Variants in BCAS3 observed in about 807,000 individuals in gnomAD.
BCAS3 encodes the protein BCAS4/BCAS3 fusion.
A neutral mutation model predicts 116.1 loss-of-function variants in BCAS3; 53 were observed. That is an observed-to-expected ratio of 0.46 (90% confidence interval 0.37 to 0.57). The LOEUF is 0.57. BCAS3 is among the 20% of genes least tolerant of loss of function. The pLI is 0.00. For missense variants in BCAS3, 917 were observed against 1,165.4 expected (o/e 0.79, Z 3.10); for synonymous variants, 391 against 408.2 (o/e 0.96, Z 0.51).
chr17:60,886,491 A>G (rs959904756), intron 9 of BCAS3: 4 of 152,280 alleles, frequency 2.6e-5, no homozygotes, highest in Non-Finnish European at 4.4e-5. Context: ...CTGGTGAGGA[A>G]CTGCGTTCCT....
At chr17:60,918,971 G>T (rs962267980) in intron 12 of BCAS3, among the ~76,000 whole-genome samples, 4 of 152,126 alleles carry the variant, frequency 2.6e-5, no homozygotes, top group Admixed American at 2.6e-4. Context: ...GGGATTACAG[G>T]CGTGAGCCAC....
rs771618076 is a variant in BCAS3, at chr17:61,326,607, C to T, written c.2426-41720C>T. 1.6e-4 allele frequency among the ~76,000 whole-genome samples: 24 copies of T among 152,152 alleles called. No individual in the cohort carries two copies. The Middle Eastern group carries it at 0.01, about 65-fold the overall frequency. ...AGGTAGATTCCACAGGGCTTTGTTA[C>T]GGAGTGGACATGGGTGGGTGGAGAG... On this transcript the variant is annotated intron_variant, in intron 22 of 23. Transcript: ENST00000407086. The surrounding 1 kb of genome is among the most constrained non-coding windows in gnomAD (Gnocchi z 5.3).
rs576760115 is a variant in BCAS3 at position 60,992,189 on chromosome 17, T to TACACACACACAC, written c.1486+1985_1486+1996dup. On this transcript the variant is annotated intron_variant, in intron 15 of 23. Transcript: ENST00000407086. ...CATTCTTTCGTAGTATCCGATGACTTACACACACACACACACACACACACA... is the reference window on the plus strand; with the variant it reads ...CATTCTTTCGTAGTATCCGATGACTTACACACACACACACACACACACACACACACACACACA... 4.6e-3 allele frequency among the ~76,000 whole-genome samples: 603 copies of TACACACACACAC among 130,708 alleles called. 3 individuals carry two copies. Among genetic ancestry groups the TACACACACACAC allele is most frequent in the Non-Finnish European group, 5.5e-3 (336 of 60,990 alleles). 85.7% of individuals were successfully genotyped at this position (130,708 alleles called of 152,430 possible).
At position 60,962,406 on chromosome 17, in the gene BCAS3, T is replaced by G. The variant is rs189228634; in HGVS notation, c.1221+15054T>G. Among the ~76,000 whole-genome samples, 244 of 152,294 alleles carry G rather than the reference T, an allele frequency of 1.6e-3. 1 individual carries two copies. The highest frequency in any genetic ancestry group is 5.6e-3 in the African/African-American group (231 of 41,562). On this transcript the variant is annotated intron_variant, in intron 14 of 23. Coordinates refer to ENST00000407086, the MANE Select transcript of BCAS3 (RefSeq NM_017679.5). The surrounding 1 kb of genome is among the most constrained non-coding windows in gnomAD (Gnocchi z 4.4). The stretch of plus-strand genomic sequence containing the variant: ...AGGGTGAGATGATATCTTGTTGTGG[T>G]TTTGATTTGTGTTTCTCTGATGACT...
chr17:60,862,510 G>C (rs1023337335), intron 7 of BCAS3, among the ~76,000 whole-genome samples: 1 of 151,988 alleles, frequency 6.6e-6, no homozygotes, highest in Non-Finnish European at 1.5e-5. Context: ...TTCTGTTCAG[G>C]GTTTTAATTT....
At chr17:61,340,834 G>A (rs113347646) in intron 22 of BCAS3, among the ~76,000 whole-genome samples, 2,414 of 152,288 alleles carry the variant, frequency 0.016, 30 homozygotes, top group Non-Finnish European at 0.023. Flanking sequence ...TGAGGCTGAA[G>A]GCTGCTTGGA....
At chr17:60,872,834 T>TAC (rs748891058) in intron 8 of BCAS3, among the ~76,000 whole-genome samples, 47 of 150,436 alleles carry the variant, frequency 3.1e-4, no homozygotes, top group Non-Finnish European at 5.6e-4. Context: ...TATACACACA[T>TAC]ACACACACAC....
intron 22 of BCAS3, among the ~76,000 whole-genome samples, chr17:61,138,397 C>T (rs1274771774): frequency 1.3e-5 from 2 of 152,168 alleles, no homozygotes; most frequent in Non-Finnish European, 2.9e-5. Flanking sequence ...TGAGTATCTA[C>T]GTGGGAACTC....
chr17:60,872,435 G>C (rs1028345919), intron 8 of BCAS3, among the ~76,000 whole-genome samples: 5 of 146,150 alleles, frequency 3.4e-5, no homozygotes, highest in African/African-American at 1.3e-4. Flanking sequence ...GTATATATCT[G>C]TATGTATATA....
intron 22 of BCAS3, among the ~76,000 whole-genome samples, chr17:61,147,643 C>A (rs757953840): frequency 2.0e-5 from 3 of 152,148 alleles, no homozygotes; most frequent in Non-Finnish European, 4.4e-5. Flanking sequence ...CCTGAATTAG[C>A]GGTGTTTTTA....
chr17:61,272,532 G>A (rs571210216), intron 22 of BCAS3, among the ~76,000 whole-genome samples: 3 of 149,922 alleles, frequency 2.0e-5, no homozygotes, highest in East Asian at 4.0e-4. Flanking sequence ...TCAGCTACTC[G>A]GGAGGCTGAG....
intron 7 of BCAS3, among the ~76,000 whole-genome samples, chr17:60,859,915 G>A (rs546638057): frequency 6.6e-6 from 1 of 152,220 alleles, no homozygotes; most frequent in Non-Finnish European, 1.5e-5. Context: ...TGGGCATCTA[G>A]GTTGATTCCA....
At chr17:60,984,597 A>G (rs546609303) in intron 14 of BCAS3, among the ~76,000 whole-genome samples, 1 of 152,232 alleles carries the variant, frequency 6.6e-6, no homozygotes, top group South Asian at 2.1e-4. Context: ...TGGGGTATCC[A>G]TCACCTCAAG....
In BCAS3 at chr17:61,203,984, C is replaced by G. The variant is rs55799816; in HGVS notation, c.2425+119420C>G. Among the ~76,000 whole-genome samples, 19 of 152,308 alleles carry G rather than the reference C, an allele frequency of 1.2e-4. No homozygotes were observed. Among genetic ancestry groups the G allele is most frequent in the Non-Finnish European group, 7.4e-5 (5 of 68,024 alleles). On this transcript the variant is annotated intron_variant, in intron 22 of 23. Coordinates refer to ENST00000407086, the MANE Select transcript of BCAS3 (RefSeq NM_017679.5). This position sits in a 1 kb window ranked among gnomAD's most constrained non-coding sequence, Gnocchi z 5.7. Reference sequence around the variant, plus strand: ...AGTGCCCGGCCCCCTTCTTTCACAGCTGGGGTTTTGGCAGCCTGTCCTCGG... The same window carrying G: ...AGTGCCCGGCCCCCTTCTTTCACAGGTGGGGTTTTGGCAGCCTGTCCTCGG...
chr17:61,074,113 GA>G (rs917229045), intron 19 of BCAS3, among the ~76,000 whole-genome samples: 9,738 of 61,390 alleles, frequency 0.16, 443 homozygotes, highest in African/African-American at 0.27. Context: ...TATCTCTTAA[GA>G]AAAAAAAAAA....
At chr17:60,699,399 A>G (rs2036085713) in intron 4 of BCAS3, among the ~76,000 whole-genome samples, 1 of 151,850 alleles carries the variant, frequency 6.6e-6, no homozygotes, top group African/African-American at 2.4e-5. Flanking sequence ...ATTTTTAGTA[A>G]TTTTTGTATT....
chr17:61,293,016 G>A (rs879363897), intron 22 of BCAS3, among the ~76,000 whole-genome samples: 9 of 152,146 alleles, frequency 5.9e-5, no homozygotes, highest in Non-Finnish European at 1.0e-4. Flanking sequence ...CTTGACAAGT[G>A]TATCATTTGA....
rs187786723 is a variant in BCAS3, at chr17:61,285,124, C to T, written c.2426-83203C>T. ...CCCCTAGTGATTCAAACCAGCTATC[C>T]TGAAACTGCTTCCACCTGGGCAGAC... On this transcript the variant is annotated intron_variant, in intron 22 of 23. Transcript: ENST00000407086. This position sits in a 1 kb window ranked among gnomAD's most constrained non-coding sequence, Gnocchi z 5.4. Among the ~76,000 whole-genome samples the T allele has an allele frequency of 1.1e-4, 16 of 152,256 alleles. No homozygotes were observed. Among genetic ancestry groups the T allele is most frequent in the Admixed American group, 1.0e-3 (16 of 15,292 alleles).
rs1040608209 is a variant in BCAS3 at position 61,344,386 on chromosome 17, C to T, written c.2426-23941C>T. ...CCTTTTAGGCCCAGCTTCATCTTCA[C>T]GGGGACTTTCTTCCATCTGTGCACT... On this transcript the variant is annotated intron_variant, in intron 22 of 23. Transcript: ENST00000407086. This position sits in a 1 kb window ranked among gnomAD's most constrained non-coding sequence, Gnocchi z 4.1. Among the ~76,000 whole-genome samples, 2 of 152,188 alleles carry T rather than the reference C, an allele frequency of 1.3e-5. No individual in the cohort carries two copies. Among genetic ancestry groups the T allele is most frequent in the Non-Finnish European group, 2.9e-5 (2 of 68,038 alleles).
Sources: allele counts gnomAD v4.1 joint callset (sites outside exome capture counted in the v4.1 genomes callset), GRCh38; gene constraint gnomAD v4.1.1; non-coding constraint Gnocchi (gnomAD v3.1); transcripts MANE v1.5; gene names NCBI Gene and HGNC (gene_info 2026-07-23, HGNC 2026-07-21).